PIH1D2: variants seen among roughly 807,000 people sequenced by gnomAD.
PIH1D2 encodes the protein PIH1 domain-containing protein 2.
Under a neutral mutation model 31.2 loss-of-function variants are expected in PIH1D2, and 25 were observed. That is an observed-to-expected ratio of 0.80 (90% CI 0.58 to 1.12). PIH1D2 has a LOEUF of 1.12. Among genes scored for constraint, PIH1D2 ranks in the 50% most tolerant of loss-of-function variants. PIH1D2 has a pLI of 0.00. For missense variants in PIH1D2, 310 were observed against 356.6 expected, an observed-to-expected ratio of 0.87 and a Z score of 1.05; for synonymous variants, 116 against 119.9, an observed-to-expected ratio of 0.97 and a Z score of 0.21.
At chr11:112,060,070 G>T (rs781848004), downstream of PIH1D2, 4 of 1,612,788 alleles carry the variant, frequency 2.5e-6, no homozygotes, top group Non-Finnish European at 3.4e-6. Context: ...TTCCAGGTAG[G>T]GTATTAATTA....
At chr11:112,062,624 A>G, downstream of PIH1D2, 1 of 1,431,434 alleles carries the variant, frequency 7.0e-7, no homozygotes. Context: ...GGTTCTTTTT[A>G]TTTTAACCAG....
At chr11:112,071,938 C>CA (rs1356205716) in intron 2 of PIH1D2, among the ~76,000 whole-genome samples, 180 bp from the exon 3 acceptor site, 2 of 151,972 alleles carry the variant, frequency 1.3e-5, no homozygotes, top group Non-Finnish European at 2.9e-5. Flanking sequence ...ACTAAAAATA[C>CA]AAAAATTAGC....
At chr11:112,071,592 C>T (rs1865113302) in intron 3 of PIH1D2, 43 bp downstream of exon 3, 1 of 1,586,464 alleles carries the variant, frequency 6.3e-7, no homozygotes, top group Admixed American at 1.7e-5. Flanking sequence ...TTGTCCATTC[C>T]TAATAAAATT....
chr11:112,068,981 T>G (rs1200419480), intron 5 of PIH1D2, among the ~76,000 whole-genome samples: 2 of 130,358 alleles, frequency 1.5e-5, no homozygotes, highest in South Asian at 2.1e-4. Context: ...GAATTTTTTT[T>G]GTTTTTTTTT....
At chr11:112,067,685 A>AAAAAAAATATATATATAT, downstream of PIH1D2, 3 of 17,796 alleles carry the variant, frequency 1.7e-4, no homozygotes, top group African/African-American at 5.2e-4. Flanking sequence ...AAAAAAAAAA[A>AAAAAAAATATATATATAT]ATATATATAT....
At chr11:112,065,084 C>G (rs1214376314), downstream of PIH1D2, among the ~76,000 whole-genome samples, 1 of 151,910 alleles carries the variant, frequency 6.6e-6, no homozygotes, top group Non-Finnish European at 1.5e-5. Context: ...TTGTGATCTG[C>G]CCACCTCAGC....
chr11:112,070,315 C>CA (rs1169606111), intron 5 of PIH1D2, 121 bp downstream of exon 5: 6 of 1,216,416 alleles, frequency 4.9e-6, no homozygotes, highest in Admixed American at 2.4e-5. Flanking sequence ...ATTGCTCCTT[C>CA]ACCGGGTAAC....
the PIH1D2 span, among the ~76,000 whole-genome samples, chr11:112,055,465 C>G: frequency 8.6e-5 from 13 of 151,810 alleles, 1 homozygote; most frequent in Admixed American, 5.3e-4. Context: ...AGGATGGTCT[C>G]GATCTCCTGA....
At chr11:112,056,243 G>T in the PIH1D2 span, among the ~76,000 whole-genome samples, 1 of 151,962 alleles carries the variant, frequency 6.6e-6, no homozygotes, top group African/African-American at 2.4e-5. Flanking sequence ...ACAATTTCTT[G>T]ATTTTTGTTA....
intron 5 of PIH1D2, among the ~76,000 whole-genome samples, chr11:112,068,904 T>A (rs1206350575): frequency 6.6e-6 from 1 of 151,294 alleles, no homozygotes; most frequent in Non-Finnish European, 1.5e-5. Flanking sequence ...ATTACTTTTA[T>A]CAACCAAGCT....
intron 3 of PIH1D2, 109 bp downstream of exon 3, chr11:112,071,526 T>C (rs587654422): frequency 7.2e-7 from 1 of 1,382,084 alleles, no homozygotes; most frequent in African/African-American, 1.5e-5. Flanking sequence ...CTAATTGTAA[T>C]TATATTATCA....
the PIH1D2 span, among the ~76,000 whole-genome samples, chr11:112,057,529 A>C: frequency 3.3e-5 from 5 of 152,232 alleles, no homozygotes; most frequent in Non-Finnish European, 5.9e-5. Flanking sequence ...CTTGTTGCTG[A>C]TACGGAGAAA....
At position 112,067,831 on chromosome 11, in the gene PIH1D2, A is replaced by G; in HGVS notation, c.*40T>C. The G allele has an allele frequency of 6.2e-7, 1 of 1,606,202 alleles. No individual in the cohort carries two copies. Among genetic ancestry groups the G allele is most frequent in the Non-Finnish European group, 8.5e-7 (1 of 1,177,430 alleles). On this transcript the variant is annotated 3_prime_UTR_variant, in exon 6 of 6. Transcript: ENST00000280350. ...AAATGAAGGTCCTTTAATTCACATG[A>G]CTTTAGCACTGAAAACCCAAAACAT...
downstream of PIH1D2, chr11:112,061,059 A>C: frequency 6.2e-7 from 1 of 1,607,266 alleles, no homozygotes; most frequent in African/African-American, 1.3e-5. Flanking sequence ...TACGATCTCC[A>C]ATTTAGGAAT....
downstream of PIH1D2, chr11:112,060,016 C>G (rs782012097): frequency 1.2e-6 from 2 of 1,613,914 alleles, no homozygotes; most frequent in African/African-American, 2.7e-5. Context: ...GATGTTGTTT[C>G]TTTAGCAACC....
At chr11:112,061,312 A>G, downstream of PIH1D2, 1 of 848,156 alleles carries the variant, frequency 1.2e-6, no homozygotes, top group Non-Finnish European at 2.0e-6. Context: ...CTGATATGAT[A>G]TGATGTAATA....
downstream of PIH1D2, among the ~76,000 whole-genome samples, chr11:112,058,430 T>G (rs1378494260): frequency 6.6e-6 from 1 of 152,172 alleles, no homozygotes; most frequent in Admixed American, 6.5e-5. Context: ...TGGTACCCAC[T>G]GATCTTTTTG....
downstream of PIH1D2, chr11:112,067,688 ATATATATATATATATAT>A: frequency 1.1e-5 from 1 of 95,026 alleles, no homozygotes; most frequent in South Asian, 3.6e-4. Flanking sequence ...AAAAAAAAAT[ATATATATATATATATAT>A]ATATATATTT....
chr11:112,069,547 T>G (rs1365433334), intron 5 of PIH1D2, among the ~76,000 whole-genome samples: 1 of 152,098 alleles, frequency 6.6e-6, no homozygotes, highest in Non-Finnish European at 1.5e-5. Context: ...AAGAGGCTAC[T>G]TAGCATATAA....
Sources: gnomAD v4.1 joint callset for allele counts (sites outside exome capture counted in the v4.1 genomes callset) on GRCh38, gnomAD v4.1.1 for gene constraint, MANE v1.5 for transcripts, NCBI Gene and HGNC (gene_info 2026-07-23, HGNC 2026-07-21) for gene names.